CAMSAP3: variants seen among roughly 807,000 people sequenced by gnomAD.
CAMSAP3 encodes the protein calmodulin regulated spectrin associated protein family member 3.
A neutral mutation model predicts 112.5 loss-of-function variants in CAMSAP3; 34 were observed. The ratio of observed to expected loss-of-function variants is 0.30; its 90% CI spans 0.23 to 0.40. The LOEUF (loss-of-function observed/expected upper bound fraction) is 0.40, where lower values mean the gene tolerates loss of function less well. Among genes scored for constraint, CAMSAP3 ranks in the 10% least tolerant of loss-of-function variants. The pLI, the probability that CAMSAP3 is intolerant of heterozygous loss-of-function variation, is 1.00. For missense variants in CAMSAP3, 1,602 were observed against 1,770.3 expected (o/e 0.90, Z 1.71); for synonymous variants, 868 against 799.8 (o/e 1.09, Z -1.44).
At chr19:7,603,586 C>G (rs2030066062) in intron 1 of CAMSAP3, among the ~76,000 whole-genome samples, 1 of 152,182 alleles carries the variant, frequency 6.6e-6, no homozygotes, top group South Asian at 2.1e-4. Flanking sequence ...GTGGCTTACC[C>G]CTATAATCCC....
In CAMSAP3 at chr19:7,612,315, G is replaced by C; in HGVS notation, c.1822G>C (p.Glu608Gln). The C allele has an allele frequency of 6.2e-7, 1 of 1,605,442 alleles. No individual in the cohort carries two copies. Among genetic ancestry groups the C allele is most frequent in the Non-Finnish European group, 8.5e-7 (1 of 1,177,824 alleles). ...GATGAGTGAGCTCAGCGCCCGGCTG[G>C]AGGAGAAACGCAGAGCCATCGAGGC... ...SEMSELSARL[E>Q]EKRRAIEAQK... Residue 608 changes from glutamate to glutamine, a missense_variant, in exon 11 of 17, where the codon GAG becomes CAG. Physicochemically the swap from Glu to Gln is conservative, Grantham distance 29. Transcript: ENST00000160298.
Position 7,617,454 on chromosome 19 carries a change from G to A in CAMSAP3, c.3325+16G>A, listed in dbSNP as rs762244559. Reference sequence around the variant, plus strand: ...GAGTACACAGGTAAGCAGGGGCTCTGGGTGATGTGAGGAGCAACAGGCACC... The same window carrying A: ...GAGTACACAGGTAAGCAGGGGCTCTAGGTGATGTGAGGAGCAACAGGCACC... On this transcript the variant is annotated intron_variant, in intron 15 of 16. Coordinates refer to ENST00000160298, the MANE Select transcript of CAMSAP3 (RefSeq NM_020902.2). The surrounding 1 kb of genome is among the most constrained non-coding windows in gnomAD (Gnocchi z 7.5). 1.2e-6 allele frequency: 2 copies of A among 1,612,590 alleles called. No individual in the cohort carries two copies. The highest frequency in any genetic ancestry group is 1.7e-6 in the Non-Finnish European group (2 of 1,178,718).
At position 7,607,224 on chromosome 19, in the gene CAMSAP3, C is replaced by T. The variant is rs2030269469; in HGVS notation, c.621+653C>T. Among the ~76,000 whole-genome samples the T allele has an allele frequency of 6.6e-6, 1 of 152,138 alleles. No homozygotes were observed. Among genetic ancestry groups the T allele is most frequent in the East Asian group, 1.9e-4 (1 of 5,176 alleles). ...GATCCTGACCCTAGCAGGCAGGGCA[C>T]CCTCTGGCCAAGGGGAAGACCCTCC... On this transcript the variant is annotated intron_variant, in intron 4 of 16. Coordinates refer to ENST00000160298, the MANE Select transcript of CAMSAP3 (RefSeq NM_020902.2). The surrounding 1 kb of genome is among the most constrained non-coding windows in gnomAD (Gnocchi z 4.9).
rs760224313 is a variant in CAMSAP3 at position 7,616,612 on chromosome 19, CCCA to C, written c.3204_3206del (p.Thr1069del). ...CCACAATAACCTCGGGGTGAAGAGG[CCCA>C]CGTCTCGGTGAGTTTAGCCCGCACA... On this transcript the variant is annotated inframe_deletion, in exon 14 of 17. Coordinates refer to ENST00000160298, the MANE Select transcript of CAMSAP3 (RefSeq NM_020902.2). 1.2e-6 allele frequency: 2 copies of C among 1,606,642 alleles called. No individual in the cohort carries two copies. The highest frequency in any genetic ancestry group is 2.2e-5 in the South Asian group (2 of 91,042).
Position 7,607,980 on chromosome 19 carries a change from C to T in CAMSAP3, c.622-146C>T. 1 of 999,478 alleles carries T rather than the reference C, an allele frequency of 1.0e-6. No individual in the cohort carries two copies. Among genetic ancestry groups the T allele is most frequent in the Non-Finnish European group, 1.5e-6 (1 of 658,118 alleles). The allele number at this position is 999,478 out of a possible 1,614,324, so 61.9% of individuals were successfully genotyped here. A position where few individuals can be genotyped will look rare whatever the true frequency, so the allele number is the denominator to read the frequency against. ...CTCTTGCTGCTGCCCCTCCCCTGCT[C>T]CAGGCTGGCCCCCCAACTCTGTCTC... On this transcript the variant is annotated intron_variant, in intron 4 of 16. Transcript: ENST00000160298. This position sits in a 1 kb window ranked among gnomAD's most constrained non-coding sequence, Gnocchi z 4.9.
chr19:7,602,622 G>C (rs537631900), intron 1 of CAMSAP3, among the ~76,000 whole-genome samples: 36 of 151,588 alleles, frequency 2.4e-4, no homozygotes, highest in Non-Finnish European at 4.1e-4. Context: ...GCAGGGAGGA[G>C]GGGAGGTGTG....
chr19:7,610,576 G>C lies in CAMSAP3; in HGVS notation c.861G>C (p.Leu287=), dbSNP rs1326203928. ...CTCGCCTTCCTCGTGGCTGCCCCCT[G>C]TCCCTTGAGGACTTGCTGTACGTCC... ...CASRLPRGCP[L]SLEDLLYVPP... Residue 287 remains leucine, a synonymous_variant, in exon 6 of 17, where the codon CTG becomes CTC. Transcript: ENST00000160298. This position sits in a 1 kb window ranked among gnomAD's most constrained non-coding sequence, Gnocchi z 4.9. 1 of 1,613,502 alleles carries C rather than the reference G, an allele frequency of 6.2e-7. No individual in the cohort carries two copies. The highest frequency in any genetic ancestry group is 1.7e-5 in the Admixed American group (1 of 60,020).
At chr19:7,603,685 T>TA (rs1250158253) in intron 1 of CAMSAP3, among the ~76,000 whole-genome samples, 2 of 152,040 alleles carry the variant, frequency 1.3e-5, no homozygotes, top group East Asian at 3.9e-4. Flanking sequence ...TCCATCTTTA[T>TA]AAAAAAATTT....
chr19:7,608,029 C>G (rs920666059), intron 4 of CAMSAP3, 97 bp from the exon 5 acceptor site: 83 of 1,470,226 alleles, frequency 5.6e-5, no homozygotes, highest in Non-Finnish European at 2.1e-5. Flanking sequence ...TTCCCGCCCC[C>G]TCATGGCGGA....
intron 11 of CAMSAP3, among the ~76,000 whole-genome samples, chr19:7,614,029 A>G (rs916980167): frequency 3.1e-4 from 47 of 152,068 alleles, no homozygotes; most frequent in African/African-American, 1.1e-3. Context: ...TGGGAGGCCA[A>G]GGCAGGCGGA....
Position 7,610,819 on chromosome 19 carries a change from G to A in CAMSAP3, c.994+26G>A, listed in dbSNP as rs756955497. The A allele has an allele frequency of 5.6e-6, 9 of 1,611,148 alleles. No individual in the cohort carries two copies. The highest frequency in any genetic ancestry group is 3.3e-5 in the South Asian group (3 of 91,026). On this transcript the variant is annotated intron_variant, in intron 7 of 16. Transcript: ENST00000160298. The surrounding 1 kb of genome is among the most constrained non-coding windows in gnomAD (Gnocchi z 4.9). ...GTGAGGCCCTGGGGGCCTGGGGGCC[G>A]GGTCGGGGGCGGGTGGGAGAGCCAA...
Position 7,607,899 on chromosome 19 carries a change from A to G in CAMSAP3, c.622-227A>G. The stretch of plus-strand genomic sequence containing the variant: ...GTATCCCCCGCCCCGGGGTCCCAGG[A>G]GTCCCTGTCCCCAGCCCCCGCTGCT... On this transcript the variant is annotated intron_variant, in intron 4 of 16. Coordinates refer to ENST00000160298, the MANE Select transcript of CAMSAP3 (RefSeq NM_020902.2). This position sits in a 1 kb window ranked among gnomAD's most constrained non-coding sequence, Gnocchi z 4.9. 1.1e-6 allele frequency: 1 copy of G among 887,414 alleles called. No individual in the cohort carries two copies. Among genetic ancestry groups the G allele is most frequent in the Non-Finnish European group, 1.8e-6 (1 of 549,718 alleles). 55.0% of individuals were successfully genotyped at this position (887,414 alleles called of 1,614,324 possible).
chr19:7,617,276 C>T lies in CAMSAP3; in HGVS notation c.3213-50C>T, dbSNP rs763148545. The T allele has an allele frequency of 7.5e-7, 1 of 1,327,510 alleles. No individual in the cohort carries two copies. Among genetic ancestry groups the T allele is most frequent in the African/African-American group, 1.4e-5 (1 of 69,422 alleles). The allele number at this position is 1,327,510 out of a possible 1,614,324, so 82.2% of individuals were successfully genotyped here. A position where few individuals can be genotyped will look rare whatever the true frequency, so the allele number is the denominator to read the frequency against. ...GGGAAGCTTCCCATCTCTGACCCCA[C>T]CTCCATCCCATCCTGACCCCACCTC... On this transcript the variant is annotated intron_variant, in intron 14 of 16. Coordinates refer to ENST00000160298, the MANE Select transcript of CAMSAP3 (RefSeq NM_020902.2). The surrounding 1 kb of genome is among the most constrained non-coding windows in gnomAD (Gnocchi z 7.5).
chr19:7,612,267 C>T lies in CAMSAP3; in HGVS notation c.1774C>T (p.Pro592Ser), dbSNP rs1174430513. 2.5e-6 allele frequency: 4 copies of T among 1,594,406 alleles called. No homozygotes were observed. Among genetic ancestry groups the T allele is most frequent in the Non-Finnish European group, 3.4e-6 (4 of 1,171,102 alleles). ...GGGGTCCCCCACGTCCACTCCGGCC[C>T]CGCCGGAGGCCCTGAGCTCGGAGAT... ...GAGSPTSTPA[P>S]PEALSSEMSE... Residue 592 changes from proline (P) to serine (S), a missense_variant, in exon 11 of 17, where the codon CCG (proline) becomes TCG (serine). Coordinates refer to ENST00000160298, the MANE Select transcript of CAMSAP3 (RefSeq NM_020902.2).
chr19:7,599,910 C>CCCATCCAT (rs1193566334), intron 1 of CAMSAP3, among the ~76,000 whole-genome samples: 1 of 33,782 alleles, frequency 3.0e-5, no homozygotes, highest in South Asian at 1.3e-3. Flanking sequence ...CACCCATCCA[C>CCCATCCAT]CCATCCATCC....
At position 7,612,362 on chromosome 19, in the gene CAMSAP3, C is replaced by T. The variant is rs747337450; in HGVS notation, c.1869C>T (p.Ala623=). Residue 623 remains alanine, a synonymous_variant, in exon 11 of 17, where the codon GCC becomes GCT. Transcript: ENST00000160298. ...AGGCTCAGAAGCGACGGATTGAGGC[C>T]ATATTCGCCAAGCACCGCCAGCGGC... The part of the protein sequence containing the change: ...AIEAQKRRIE[A]IFAKHRQRLG... 5 of 1,602,392 alleles carry T rather than the reference C, an allele frequency of 3.1e-6. No individual in the cohort carries two copies. The African/African-American group carries it at 5.3e-5, about 17-fold the overall frequency.
At position 7,615,823 on chromosome 19, in the gene CAMSAP3, G is replaced by A. The variant is rs1017110449; in HGVS notation, c.3112+104G>A. The A allele has an allele frequency of 8.5e-5, 60 of 706,512 alleles. 1 individual carries two copies. The highest frequency in any genetic ancestry group is 6.8e-4 in the Admixed American group (15 of 22,082). 43.8% of individuals were successfully genotyped at this position (706,512 alleles called of 1,614,324 possible). A position where few individuals can be genotyped will look rare whatever the true frequency, so the allele number is the denominator to read the frequency against. On this transcript the variant is annotated intron_variant, in intron 13 of 16. Coordinates refer to ENST00000160298, the MANE Select transcript of CAMSAP3 (RefSeq NM_020902.2). This position sits in a 1 kb window ranked among gnomAD's most constrained non-coding sequence, Gnocchi z 6.5. ...GAGGGGGAGGGAGATGTAAGCAGGGGTGCCGGGAGGGGGCGGGTATGTGGG... is the reference window on the plus strand; with the variant it reads ...GAGGGGGAGGGAGATGTAAGCAGGGATGCCGGGAGGGGGCGGGTATGTGGG...
intron 1 of CAMSAP3, among the ~76,000 whole-genome samples, 171 bp downstream of exon 1, chr19:7,596,321 C>T (rs938859052): frequency 5.4e-4 from 82 of 150,548 alleles, no homozygotes; most frequent in African/African-American, 1.6e-3. Context: ...GAGCTTCCTG[C>T]TCGGCCCGGG....
At position 7,618,046 on chromosome 19, in the gene CAMSAP3, A is replaced by AC; in HGVS notation, c.3744dup (p.Lys1249GlnfsTer78). 6.2e-7 allele frequency: 1 copy of AC among 1,611,104 alleles called. No homozygotes were observed. On this transcript the variant is annotated frameshift_variant, in exon 17 of 17. Transcript: ENST00000160298. LOFTEE classifies it high-confidence loss of function. ...CACCACTCCCAAGAAGGGCGGCGGC[A>AC]CCCCCAAATAGCCCCACCCGGGCGG... is the stretch of plus-strand genomic sequence containing the variant.
Sources: gnomAD v4.1 joint callset for allele counts (sites outside exome capture counted in the v4.1 genomes callset) on GRCh38, gnomAD v4.1.1 for gene constraint, Gnocchi (gnomAD v3.1) non-coding constraint, MANE v1.5 for transcripts, NCBI Gene and HGNC (gene_info 2026-07-23, HGNC 2026-07-21) for gene names.